VWDE: variants seen among roughly 807,000 people sequenced by gnomAD.
VWDE encodes von Willebrand factor D and EGF domains, also known as von Willebrand factor D and EGF domain-containing protein.
Under a neutral mutation model 178.4 loss-of-function variants are expected in VWDE, and 207 were observed. The observed-to-expected ratio is 1.16, with a 90% confidence interval of 1.04 to 1.30. The LOEUF is 1.30. Among genes scored for constraint, VWDE ranks in the 50% most tolerant of loss-of-function variants. VWDE has a pLI of 0.00. For synonymous variants in VWDE, 738 were observed against 651.4 expected (o/e 1.13, Z -2.02); for missense variants, 2,287 against 1,901.3 (o/e 1.20, Z -3.77).
intron 3 of VWDE, 70 bp from the exon 4 acceptor site, chr7:12,383,671 T>C (rs985530979): frequency 3.2e-6 from 4 of 1,254,556 alleles, no homozygotes; most frequent in African/African-American, 3.0e-5. Context: ...ATATCCAAGA[T>C]GACAATTTAT....
intron 19 of VWDE, among the ~76,000 whole-genome samples, chr7:12,350,058 A>T (rs186120637): frequency 2.5e-3 from 374 of 152,152 alleles, no homozygotes; most frequent in Non-Finnish European, 4.4e-3. Context: ...ATTTTACCAA[A>T]TAATTAAGGA....
intron 3 of VWDE, among the ~76,000 whole-genome samples, chr7:12,386,607 TGCTGCA>T (rs1435923686): frequency 6.6e-6 from 1 of 152,222 alleles, no homozygotes; most frequent in Non-Finnish European, 1.5e-5. Flanking sequence ...GCCTGCTGCT[TGCTGCA>T]GCTGCTGTTT....
rs542670748 is a variant in VWDE at position 12,383,460 on chromosome 7, G to A, written c.541+76C>T. 1,517 of 1,160,786 alleles carry A rather than the reference G, an allele frequency of 1.3e-3. 3 individuals carry two copies. The highest frequency in any genetic ancestry group is 1.7e-3 in the Non-Finnish European group (1,387 of 799,166). The allele number at this position is 1,160,786 out of a possible 1,614,324, so 71.9% of individuals were successfully genotyped here. ...ATATCAATATAATTCAACATCCAAA[G>A]CTGCAGAATATAATTATCTGTTGAA... On this transcript the variant is annotated intron_variant, in intron 4 of 28. Transcript: ENST00000275358.
intron 1 of VWDE, among the ~76,000 whole-genome samples, chr7:12,402,992 A>C (rs1251221830): frequency 6.6e-6 from 1 of 152,184 alleles, no homozygotes; most frequent in African/African-American, 2.4e-5. Context: ...TATGAACACA[A>C]AAAACAAGCA....
rs1390579684 is a variant in VWDE, at chr7:12,343,273, G to A, written c.4079-95C>T. 5.8e-6 allele frequency: 5 copies of A among 863,928 alleles called. No homozygotes were observed. The African/African-American group carries it at 8.5e-5, about 15-fold the overall frequency. 53.5% of individuals were successfully genotyped at this position (863,928 alleles called of 1,614,324 possible). A position where few individuals can be genotyped will look rare whatever the true frequency, so the allele number is the denominator to read the frequency against. On this transcript the variant is annotated intron_variant, in intron 21 of 28. Coordinates refer to ENST00000275358, the MANE Select transcript of VWDE (RefSeq NM_001135924.3). ...CTGTCACAATAAAATCTTGTTGTAA[G>A]AGTAATTTATAATACATTAAGCTCT...
Position 12,392,387 on chromosome 7 carries a change from C to A in VWDE, c.243+1207G>T, listed in dbSNP as rs150504563. On this transcript the variant is annotated intron_variant, in intron 2 of 28. Coordinates refer to ENST00000275358, the MANE Select transcript of VWDE (RefSeq NM_001135924.3). The stretch of plus-strand genomic sequence containing the variant: ...TGACAGATTTAGACTTAGTCTCATT[C>A]CTTAGATCATGTGGATAAAAATGTG... 6.4e-3 allele frequency among the ~76,000 whole-genome samples: 974 copies of A among 152,222 alleles called. 12 individuals carry two copies. Among genetic ancestry groups the A allele is most frequent in the African/African-American group, 0.022 (900 of 41,550 alleles).
chr7:12,363,587 T>G (rs1782696205), intron 13 of VWDE, among the ~76,000 whole-genome samples: 1 of 151,952 alleles, frequency 6.6e-6, no homozygotes, highest in Admixed American at 6.6e-5. Context: ...CACTTTATAT[T>G]AAAAAAAGAG....
chr7:12,378,277 C>T (rs1031367373), intron 6 of VWDE, among the ~76,000 whole-genome samples: 4 of 152,224 alleles, frequency 2.6e-5, no homozygotes, highest in African/African-American at 7.2e-5. Context: ...TTTACTGACA[C>T]ACCAACAGAA....
chr7:12,336,169 G>C lies in VWDE; in HGVS notation c.4626C>G (p.Ser1542=). The C allele has an allele frequency of 6.4e-7, 1 of 1,551,286 alleles. No homozygotes were observed. The highest frequency in any genetic ancestry group is 8.7e-7 in the Non-Finnish European group (1 of 1,146,882). Residue 1542 remains serine, a synonymous_variant, in exon 27 of 29, where the codon TCC becomes TCG. Transcript: ENST00000275358. Reference sequence around the variant, plus strand: ...TTTGACACCGCACTCCTTCCCAGGAGGAAGGACAATGGCATATGCTGGGCG... The same window carrying C: ...TTTGACACCGCACTCCTTCCCAGGACGAAGGACAATGGCATATGCTGGGCG... ...CIAPSICHCP[S]SWEGVRCQIP...
rs752332677 is a variant in VWDE, at chr7:12,343,219, T to G, written c.4079-41A>C. Reference sequence around the variant, plus strand: ...ATGTTATTATGTCAGTTCTTAATTTTTAAAAAGTCAGTTTATATTTATAAA... The same window carrying G: ...ATGTTATTATGTCAGTTCTTAATTTGTAAAAAGTCAGTTTATATTTATAAA... On this transcript the variant is annotated intron_variant, in intron 21 of 28. Transcript: ENST00000275358. 11 of 1,429,290 alleles carry G rather than the reference T, an allele frequency of 7.7e-6. No homozygotes were observed. The South Asian group carries it at 1.3e-4, about 16-fold the overall frequency. 88.5% of individuals were successfully genotyped at this position (1,429,290 alleles called of 1,614,324 possible). A position where few individuals can be genotyped will look rare whatever the true frequency, so the allele number is the denominator to read the frequency against.
At chr7:12,358,339 G>A (rs576194363) in intron 16 of VWDE, among the ~76,000 whole-genome samples, 18 of 148,366 alleles carry the variant, frequency 1.2e-4, no homozygotes, top group Middle Eastern at 3.5e-3. Flanking sequence ...GTGCCACTGC[G>A]CTCCAGCCTG....
At chr7:12,399,940 A>T (rs1021064519) in intron 1 of VWDE, among the ~76,000 whole-genome samples, 1 of 152,196 alleles carries the variant, frequency 6.6e-6, no homozygotes, top group African/African-American at 2.4e-5. Context: ...AAAACTTTAC[A>T]AATATGTGGA....
At chr7:12,391,793 T>C (rs1475813200) in intron 2 of VWDE, among the ~76,000 whole-genome samples, 4 of 152,194 alleles carry the variant, frequency 2.6e-5, no homozygotes, top group African/African-American at 9.6e-5. Flanking sequence ...TCTGCAGTAT[T>C]TATAAAATGT....
At chr7:12,366,503 T>C (rs564924930) in intron 13 of VWDE, among the ~76,000 whole-genome samples, 1 of 152,262 alleles carries the variant, frequency 6.6e-6, no homozygotes, top group East Asian at 1.9e-4. Context: ...ACATGTACCT[T>C]TCTATTTTGT....
chr7:12,361,033 T>C, intron 15 of VWDE, 114 bp downstream of exon 15: 1 of 600,914 alleles, frequency 1.7e-6, no homozygotes, highest in Non-Finnish European at 2.7e-6. Context: ...GGAAGGCTTT[T>C]CTCTATTAGT....
intron 13 of VWDE, among the ~76,000 whole-genome samples, chr7:12,364,361 T>TTC (rs1161815851): frequency 2.0e-5 from 3 of 152,084 alleles, no homozygotes; most frequent in Non-Finnish European, 4.4e-5. Flanking sequence ...ACTACAGTCT[T>TTC]TAGAGAAACA....
chr7:12,340,317 A>T lies in VWDE; in HGVS notation c.4366+5T>A, dbSNP rs558604382. The T allele has an allele frequency of 1.3e-6, 2 of 1,547,040 alleles. No individual in the cohort carries two copies. The highest frequency in any genetic ancestry group is 1.7e-6 in the Non-Finnish European group (2 of 1,143,778). ...CCTTTTTACATACAAAGAAAGAATA[A>T]TTACCATTCTGACAGTGTTCCCCAA... On this transcript the variant is annotated splice_donor_5th_base_variant and intron_variant, in intron 24 of 28. Transcript: ENST00000275358.
At chr7:12,374,357 C>T (rs2128556696) in intron 9 of VWDE, among the ~76,000 whole-genome samples, 1 of 151,954 alleles carries the variant, frequency 6.6e-6, no homozygotes, top group Middle Eastern at 3.4e-3. Flanking sequence ...GTTTTATTAT[C>T]ATATGGAAAT....
chr7:12,382,041 G>C (rs1181300897), intron 4 of VWDE, among the ~76,000 whole-genome samples: 1 of 151,692 alleles, frequency 6.6e-6, no homozygotes, highest in African/African-American at 2.4e-5. Context: ...ATCAAAATTA[G>C]TATTCCTTTG....
Sources: gnomAD v4.1 joint callset for allele counts (sites outside exome capture counted in the v4.1 genomes callset) on GRCh38, gnomAD v4.1.1 for gene constraint, MANE v1.5 for transcripts, NCBI Gene and HGNC (gene_info 2026-07-23, HGNC 2026-07-21) for gene names.